The following KATNAL1 variants were observed in gnomAD, a reference collection of about 807,000 sequenced individuals.
The protein encoded by KATNAL1 is katanin p60 ATPase-containing subunit A-like 1.
Under a neutral mutation model 55.2 loss-of-function variants are expected in KATNAL1, and 32 were observed. That is an observed-to-expected ratio of 0.58 (90% CI 0.44 to 0.78). The LOEUF is 0.78. Ranked by LOEUF, KATNAL1 falls within the 30% of genes least tolerant of loss-of-function variation. The pLI, the probability that KATNAL1 is intolerant of heterozygous loss-of-function variation, is 0.00. For synonymous variants in KATNAL1, 193 were observed against 193.6 expected, an observed-to-expected ratio of 1.00 and a Z score of 0.02; for missense variants, 466 against 600.9, an observed-to-expected ratio of 0.78 and a Z score of 2.35.
intron 9 of KATNAL1, among the ~76,000 whole-genome samples, chr13:30,218,813 C>G (rs139317330): frequency 3.9e-4 from 59 of 152,216 alleles, no homozygotes; most frequent in African/African-American, 1.4e-3. Context: ...ATCCCAGGCC[C>G]CAGCTGTGGA....
At chr13:30,244,868 C>T (rs1301945673) in intron 4 of KATNAL1, among the ~76,000 whole-genome samples, 2 of 152,048 alleles carry the variant, frequency 1.3e-5, no homozygotes, top group East Asian at 3.8e-4. Flanking sequence ...AAATCCCTGA[C>T]TAGACCAATA....
At position 30,283,799 on chromosome 13, in the gene KATNAL1, T is replaced by C; in HGVS notation, c.-14-8A>G. The C allele has an allele frequency of 2.5e-6, 4 of 1,580,074 alleles. No homozygotes were observed. The highest frequency in any genetic ancestry group is 2.6e-6 in the Non-Finnish European group (3 of 1,161,442). The stretch of plus-strand genomic sequence containing the variant: ...TCATCTTCTTTCAGAGACCTAAACA[T>C]AAAATATAATGACTTTTTAAAAATT... On this transcript the variant is annotated splice_region_variant and splice_polypyrimidine_tract_variant and intron_variant, in intron 1 of 10. Coordinates refer to ENST00000380615, the MANE Select transcript of KATNAL1 (RefSeq NM_032116.5).
rs534938984 is a variant in KATNAL1 at position 30,298,403 on chromosome 13, T to A, written c.-15+8928A>T. ...GACATACTAAAATTTGTTTATTCAC[T>A]CATCAGTTCTCCATAGCGCACTTCA... On this transcript the variant is annotated intron_variant, in intron 1 of 10. Coordinates refer to ENST00000380615, the MANE Select transcript of KATNAL1 (RefSeq NM_032116.5). Among the ~76,000 whole-genome samples the A allele has an allele frequency of 3.9e-5, 6 of 152,332 alleles. No individual in the cohort carries two copies. The East Asian group carries it at 9.6e-4, about 24-fold the overall frequency.
chr13:30,274,907 G>GCGCGCGCGCGCGCGCGCGCACACACA (rs869107567), intron 3 of KATNAL1, among the ~76,000 whole-genome samples: 4 of 105,390 alleles, frequency 3.8e-5, no homozygotes, highest in African/African-American at 4.1e-5. Flanking sequence ...GCGCGCGCGC[G>GCGCGCGCGCGCGCGCGCGCACACACA]CACACACACA....
intron 4 of KATNAL1, among the ~76,000 whole-genome samples, chr13:30,249,567 CAAAT>C (rs1204817545): frequency 6.6e-6 from 1 of 152,160 alleles, no homozygotes; most frequent in Admixed American, 6.5e-5. Flanking sequence ...AAATAAACTA[CAAAT>C]ATATACAACA....
intron 4 of KATNAL1, among the ~76,000 whole-genome samples, chr13:30,249,732 G>A (rs1282658356): frequency 6.6e-6 from 1 of 152,190 alleles, no homozygotes; most frequent in Admixed American, 6.5e-5. Context: ...TAAGTGGCAA[G>A]GATTGGGAGG....
intron 4 of KATNAL1, among the ~76,000 whole-genome samples, chr13:30,242,555 G>GA (rs1167502772): frequency 2.6e-5 from 4 of 152,164 alleles, no homozygotes; most frequent in Non-Finnish European, 5.9e-5. Context: ...GAAGTGCTGT[G>GA]AAAAAACCTG....
At chr13:30,286,756 A>T (rs1169818226) in intron 1 of KATNAL1, among the ~76,000 whole-genome samples, 3 of 152,198 alleles carry the variant, frequency 2.0e-5, no homozygotes, top group Non-Finnish European at 4.4e-5. Flanking sequence ...AAAGCCACAG[A>T]CACTCAAGGT....
chr13:30,269,836 G>A (rs1477193011), intron 3 of KATNAL1, among the ~76,000 whole-genome samples: 72 of 150,782 alleles, frequency 4.8e-4, no homozygotes, highest in African/African-American at 1.6e-3. Flanking sequence ...CCCTCCGCCC[G>A]GCAGCCACCC....
intron 4 of KATNAL1, among the ~76,000 whole-genome samples, chr13:30,252,618 G>A (rs1470805207): frequency 1.3e-5 from 2 of 152,038 alleles, no homozygotes; most frequent in African/African-American, 4.8e-5. Context: ...TGAGTTTTCT[G>A]TTCTACTCTG....
chr13:30,227,343 T>C (rs1480106288), intron 9 of KATNAL1, 69 bp downstream of exon 9: 2 of 1,465,530 alleles, frequency 1.4e-6, no homozygotes, highest in Non-Finnish European at 1.9e-6. Flanking sequence ...GGCAATGGAA[T>C]AAAGATTTAG....
rs939813346 is a variant in KATNAL1, at chr13:30,230,682, G to C, written c.886-88C>G. The C allele has an allele frequency of 4.8e-5, 47 of 979,252 alleles. No homozygotes were observed. In the East Asian group the frequency reaches 1.2e-3, roughly 25 times the overall value. 60.7% of individuals were successfully genotyped at this position (979,252 alleles called of 1,614,324 possible). On this transcript the variant is annotated intron_variant, in intron 7 of 10. Transcript: ENST00000380615. ...AAAATCTTTTAAAACAATGGCAAAA[G>C]AGAGCAGAAACTTCTCACTGTTTTA...
rs55683675 is a variant in KATNAL1, at chr13:30,277,982, C to CAAAAAAAAAAA, written c.323+2070_323+2080dup. On this transcript the variant is annotated intron_variant, in intron 3 of 10. Coordinates refer to ENST00000380615, the MANE Select transcript of KATNAL1 (RefSeq NM_032116.5). ...TGGGGGACAGAGCGAGACTCCGTCTCAAAAAAAAAAAAAAAAAAAAAAAAA... is the reference window on the plus strand; with the variant it reads ...TGGGGGACAGAGCGAGACTCCGTCTCAAAAAAAAAAAAAAAAAAAAAAAAAAAAAAAAAAAA... Among the ~76,000 whole-genome samples, 10 of 61,314 alleles carry CAAAAAAAAAAA rather than the reference C, an allele frequency of 1.6e-4. 1 individual carries two copies. The highest frequency in any genetic ancestry group is 1.3e-3 in the East Asian group (3 of 2,332). 40.2% of individuals were successfully genotyped at this position (61,314 alleles called of 152,430 possible).
chr13:30,254,712 C>A (rs527736476), intron 4 of KATNAL1, among the ~76,000 whole-genome samples: 88 of 152,136 alleles, frequency 5.8e-4, no homozygotes, highest in African/African-American at 2.1e-3. Context: ...TTTTCTGTGG[C>A]AATTTGATTA....
rs745860006 is a variant in KATNAL1, at chr13:30,283,597, T to TAA, written c.162+18_162+19insTT. On this transcript the variant is annotated intron_variant, in intron 2 of 10. Coordinates refer to ENST00000380615, the MANE Select transcript of KATNAL1 (RefSeq NM_032116.5). Reference sequence around the variant, plus strand: ...GGTACTGCCATCCTAACTCATCTAATACTTTAATACCATCTTACCTGTTGC... The same window carrying TAA: ...GGTACTGCCATCCTAACTCATCTAATAAACTTTAATACCATCTTACCTGTTGC... 2.5e-6 allele frequency: 4 copies of TAA among 1,611,002 alleles called. No homozygotes were observed.
chr13:30,296,810 G>A (rs1448101797), intron 1 of KATNAL1: 3 of 401,744 alleles, frequency 7.5e-6, no homozygotes, highest in East Asian at 6.4e-5. Flanking sequence ...CCCTACCTAG[G>A]TGCCCTGTGC....
intron 1 of KATNAL1, among the ~76,000 whole-genome samples, chr13:30,306,088 TCAA>T (rs1284926105): frequency 8.5e-5 from 13 of 152,144 alleles, no homozygotes; most frequent in Admixed American, 3.9e-4. Context: ...CACAATAATA[TCAA>T]CAATTCTCCA....
chr13:30,266,953 T>C (rs1261832971), intron 3 of KATNAL1, among the ~76,000 whole-genome samples: 1 of 152,226 alleles, frequency 6.6e-6, no homozygotes, highest in East Asian at 1.9e-4. Flanking sequence ...TAAGCTGGGA[T>C]ATTGAGTGGA....
At chr13:30,240,618 T>C (rs1316891765) in intron 5 of KATNAL1, 53 bp from the exon 6 acceptor site, 6 of 1,204,886 alleles carry the variant, frequency 5.0e-6, no homozygotes, top group Middle Eastern at 1.9e-4. Context: ...CTTTGATTTA[T>C]GGTCAAAACT....
Sources: allele counts gnomAD v4.1 joint callset (sites outside exome capture counted in the v4.1 genomes callset), GRCh38; gene constraint gnomAD v4.1.1; transcripts MANE v1.5; gene names NCBI Gene and HGNC (gene_info 2026-07-23, HGNC 2026-07-21).